The following CCDC85A variants were observed in gnomAD, a reference collection of about 807,000 sequenced individuals.
The protein encoded by CCDC85A is coiled-coil domain containing 85A.
CCDC85A carries 38 observed loss-of-function variants against 50.2 expected under a neutral mutation model. The observed-to-expected ratio is 0.76, with a 90% CI of 0.58 to 0.99. CCDC85A has a LOEUF of 0.99. Among genes scored for constraint, CCDC85A ranks in the 50% least tolerant of loss-of-function variants. The pLI is 0.00. For missense variants in CCDC85A, 820 were observed against 742.0 expected (o/e 1.11, Z -1.22); for synonymous variants, 366 against 301.4 (o/e 1.21, Z -2.22).
chr2:56,370,577 A>G (rs778230937), intron 3 of CCDC85A, among the ~76,000 whole-genome samples: 9 of 152,126 alleles, frequency 5.9e-5, no homozygotes, highest in Non-Finnish European at 1.0e-4. Flanking sequence ...CATATTTAAT[A>G]TATTTTAAAG....
chr2:56,273,946 A>T (rs1237038691), intron 2 of CCDC85A, among the ~76,000 whole-genome samples: 2 of 152,182 alleles, frequency 1.3e-5, no homozygotes, highest in African/African-American at 4.8e-5. Context: ...AAACTGGGCA[A>T]TTGTTATCTC....
intron 2 of CCDC85A, among the ~76,000 whole-genome samples, chr2:56,247,581 A>C (rs1265257185): frequency 6.6e-6 from 1 of 152,198 alleles, no homozygotes; most frequent in Non-Finnish European, 1.5e-5. Context: ...TTTAAAGTTG[A>C]AGTGTTTCAT....
At chr2:56,289,738 CTG>C (rs1671617674) in intron 2 of CCDC85A, among the ~76,000 whole-genome samples, 1 of 152,112 alleles carries the variant, frequency 6.6e-6, no homozygotes, top group African/African-American at 2.4e-5. Context: ...AACCTCATCT[CTG>C]TTGTCCGAAT....
At chr2:56,336,554 A>G (rs1417372747) in intron 2 of CCDC85A, among the ~76,000 whole-genome samples, 1 of 152,200 alleles carries the variant, frequency 6.6e-6, no homozygotes, top group Non-Finnish European at 1.5e-5. Context: ...ACATCACTTC[A>G]TCTAATCAAA....
intron 2 of CCDC85A, among the ~76,000 whole-genome samples, chr2:56,290,406 G>A (rs534148966): frequency 6.6e-6 from 1 of 151,446 alleles, no homozygotes; most frequent in Non-Finnish European, 1.5e-5. Context: ...GGCTTTTTTT[G>A]CCATTTCCTG....
chr2:56,329,945 GTTTTTTT>G (rs535050957), intron 2 of CCDC85A, among the ~76,000 whole-genome samples: 15 of 44,160 alleles, frequency 3.4e-4, no homozygotes, highest in African/African-American at 1.0e-3. Context: ...CAGATTTCCT[GTTTTTTT>G]TTTTTTTTTT....
At chr2:56,315,372 T>G (rs1311262480) in intron 2 of CCDC85A, among the ~76,000 whole-genome samples, 6 of 152,156 alleles carry the variant, frequency 3.9e-5, no homozygotes, top group African/African-American at 1.4e-4. Flanking sequence ...TAAAATAAAC[T>G]TGGTGCAAAT....
chr2:56,364,662 G>T (rs6706350), intron 3 of CCDC85A, among the ~76,000 whole-genome samples: 6 of 152,044 alleles, frequency 3.9e-5, no homozygotes, highest in African/African-American at 1.4e-4. Flanking sequence ...TATTTTCTAT[G>T]CTGGTTAATA....
At chr2:56,229,263 A>G (rs1390592751) in intron 2 of CCDC85A, among the ~76,000 whole-genome samples, 1 of 152,204 alleles carries the variant, frequency 6.6e-6, no homozygotes, top group Non-Finnish European at 1.5e-5. Context: ...GAGGAGCTTA[A>G]TTATACGTGA....
intron 2 of CCDC85A, among the ~76,000 whole-genome samples, chr2:56,293,626 C>T (rs1671816396): frequency 6.6e-6 from 1 of 151,976 alleles, no homozygotes; most frequent in South Asian, 2.1e-4. Flanking sequence ...AAAACAACTC[C>T]ATCAAAAAGT....
rs1485829029 is a variant in CCDC85A at position 56,275,820 on chromosome 2, G to A, written c.1241-67059G>A. Among the ~76,000 whole-genome samples the A allele has an allele frequency of 2.2e-4, 34 of 152,130 alleles. 1 individual carries two copies. Among genetic ancestry groups the A allele is most frequent in the Admixed American group, 2.1e-3 (32 of 15,272 alleles). ...CTTGTTCTGTTATTTTTACCCATAAGCAAAAGCCAAATCCTTTCTCACTTC... is the reference window on the plus strand; with the variant it reads ...CTTGTTCTGTTATTTTTACCCATAAACAAAAGCCAAATCCTTTCTCACTTC... On this transcript the variant is annotated intron_variant, in intron 2 of 5. Transcript: ENST00000407595.
chr2:56,346,021 T>C (rs147077410), intron 3 of CCDC85A, among the ~76,000 whole-genome samples: 2,002 of 152,306 alleles, frequency 0.013, 24 homozygotes, highest in South Asian at 0.035. Flanking sequence ...AGAATGTAGC[T>C]GGCAGCTGGA....
Position 56,184,756 on chromosome 2 carries a change from G to C in CCDC85A, c.132G>C (p.Leu44=). ...EDLSKVSDEE[L]LQWSKEELIR... The stretch of plus-strand genomic sequence containing the variant: ...TGTCCAAAGTGTCGGACGAGGAGCT[G>C]CTGCAGTGGAGCAAGGAGGAGCTGA... Residue 44 remains leucine (L), a synonymous_variant, in exon 1 of 6, where the codon CTG becomes CTC. Coordinates refer to ENST00000407595, the MANE Select transcript of CCDC85A (RefSeq NM_001080433.2). 1 of 1,545,018 alleles carries C rather than the reference G, an allele frequency of 6.5e-7. No homozygotes were observed. Among genetic ancestry groups the C allele is most frequent in the Non-Finnish European group, 8.7e-7 (1 of 1,145,606 alleles).
intron 2 of CCDC85A, among the ~76,000 whole-genome samples, chr2:56,310,232 C>T (rs73940651): frequency 0.041 from 6,198 of 152,170 alleles, 444 homozygotes; most frequent in African/African-American, 0.14. Context: ...CAACTGATTG[C>T]TGAGTGGATG....
intron 2 of CCDC85A, among the ~76,000 whole-genome samples, chr2:56,294,326 A>G (rs1671850960): frequency 6.6e-6 from 1 of 152,184 alleles, no homozygotes; most frequent in Admixed American, 6.5e-5. Context: ...ATAAGTAGCT[A>G]TTACACGCTG....
intron 2 of CCDC85A, among the ~76,000 whole-genome samples, chr2:56,304,815 A>C (rs113307681): frequency 6.8e-4 from 104 of 151,954 alleles, no homozygotes; most frequent in Non-Finnish European, 1.4e-3. Flanking sequence ...TTGGGGGGCC[A>C]GGGCGGGCGG....
rs1553402003 is a variant in CCDC85A, at chr2:56,266,585, C to CCCG, written c.1240+73147_1240+73148insGCC. On this transcript the variant is annotated intron_variant, in intron 2 of 5. Transcript: ENST00000407595. ...GTCAATTAACAATAACGCGCCCCCC[C>CCCG]CCCCCATAATCTTCTTCCTCCAAAA... Among the ~76,000 whole-genome samples, 461 of 133,656 alleles carry CCCG rather than the reference C, an allele frequency of 3.4e-3. 57 individuals are homozygous for CCCG. Among genetic ancestry groups the CCCG allele is most frequent in the Non-Finnish European group, 3.7e-3 (224 of 60,714 alleles). The allele number at this position is 133,656 out of a possible 152,430, so 87.7% of individuals were successfully genotyped here. A position where few individuals can be genotyped will look rare whatever the true frequency, so the allele number is the denominator to read the frequency against.
chr2:56,355,581 G>C (rs1385400500), intron 3 of CCDC85A, among the ~76,000 whole-genome samples: 1 of 152,194 alleles, frequency 6.6e-6, no homozygotes, highest in East Asian at 1.9e-4. Flanking sequence ...ATAGGTTAGT[G>C]ATATAGAAGC....
chr2:56,280,607 C>T (rs1671163182), intron 2 of CCDC85A, among the ~76,000 whole-genome samples: 1 of 152,114 alleles, frequency 6.6e-6, no homozygotes, highest in Non-Finnish European at 1.5e-5. Context: ...ACAATCCCCT[C>T]CCCCAAGCAT....
Sources: allele counts gnomAD v4.1 joint callset (sites outside exome capture counted in the v4.1 genomes callset), GRCh38; gene constraint gnomAD v4.1.1; transcripts MANE v1.5; gene names NCBI Gene and HGNC (gene_info 2026-07-23, HGNC 2026-07-21).